The following DLG2 variants were observed in gnomAD, a reference collection of about 807,000 sequenced individuals.
The protein encoded by DLG2 is disks large homolog 2.
Under a neutral mutation model 132.5 loss-of-function variants are expected in DLG2, and 45 were observed. The observed-to-expected ratio is 0.34, with a 90% CI of 0.27 to 0.44. The LOEUF (loss-of-function observed/expected upper bound fraction) is 0.44, where lower values mean the gene tolerates loss of function less well. Ranked by LOEUF, DLG2 falls within the 20% of genes least tolerant of loss-of-function variation. DLG2 has a pLI of 1.00. For synonymous variants in DLG2, 424 were observed against 419.6 expected, an observed-to-expected ratio of 1.01 and a Z score of -0.13; for missense variants, 1,045 against 1,196.9, an observed-to-expected ratio of 0.87 and a Z score of 1.87.
chr11:84,194,036 A>G (rs976383959), intron 8 of DLG2, among the ~76,000 whole-genome samples: 1 of 152,236 alleles, frequency 6.6e-6, no homozygotes, highest in African/African-American at 2.4e-5. Flanking sequence ...ACCAGAGACA[A>G]TATAATTCTT....
intron 6 of DLG2, among the ~76,000 whole-genome samples, chr11:84,744,229 A>C (rs550937775): frequency 2.4e-4 from 37 of 152,332 alleles, no homozygotes; most frequent in African/African-American, 8.7e-4. Flanking sequence ...ATATTGAATA[A>C]TGAGAAAATG....
intron 7 of DLG2, among the ~76,000 whole-genome samples, chr11:84,379,869 T>G (rs1394084967): frequency 6.6e-6 from 1 of 151,998 alleles, no homozygotes; most frequent in African/African-American, 2.4e-5. Flanking sequence ...CCAACAGCAT[T>G]TATCATAAGA....
At chr11:85,617,489 A>G (rs2153275888) in intron 2 of DLG2, among the ~76,000 whole-genome samples, 2 of 152,346 alleles carry the variant, frequency 1.3e-5, no homozygotes, top group East Asian at 3.9e-4. Flanking sequence ...TCTTCCTAAT[A>G]TATTTTAAGA....
intron 6 of DLG2, among the ~76,000 whole-genome samples, chr11:85,066,938 A>G (rs1359433323): frequency 1.3e-5 from 2 of 151,790 alleles, no homozygotes; most frequent in Non-Finnish European, 2.9e-5. Context: ...TAGAGCCATC[A>G]GGCAAGAAGA....
intron 6 of DLG2, among the ~76,000 whole-genome samples, chr11:84,678,937 T>C (rs2099721813): frequency 6.6e-6 from 1 of 152,050 alleles, no homozygotes; most frequent in South Asian, 2.1e-4. Context: ...AGATAATGTA[T>C]GGCTATGTAA....
At chr11:84,117,698 T>C (rs1245787558) in intron 9 of DLG2, among the ~76,000 whole-genome samples, 1 of 152,170 alleles carries the variant, frequency 6.6e-6, no homozygotes, top group Non-Finnish European at 1.5e-5. Context: ...AAGAATTGTA[T>C]TCATTGAGAA....
At chr11:84,916,835 T>C (rs945251766) in intron 6 of DLG2, among the ~76,000 whole-genome samples, 2 of 152,220 alleles carry the variant, frequency 1.3e-5, no homozygotes, top group Admixed American at 6.5e-5. Context: ...AGATGTTCCC[T>C]AAAATGCCAG....
chr11:84,011,156 G>C (rs904945249), intron 11 of DLG2, among the ~76,000 whole-genome samples: 2 of 152,022 alleles, frequency 1.3e-5, no homozygotes, highest in Admixed American at 1.3e-4. Context: ...TGTATTTAAA[G>C]GATACAATAA....
intron 19 of DLG2, among the ~76,000 whole-genome samples, chr11:83,596,530 G>A (rs1429904136): frequency 6.6e-6 from 1 of 151,962 alleles, no homozygotes; most frequent in East Asian, 1.9e-4. Context: ...CCAACCTCTG[G>A]TCTCAGCCGC....
intron 6 of DLG2, among the ~76,000 whole-genome samples, chr11:84,916,029 C>A (rs1314172985): frequency 6.6e-6 from 1 of 152,022 alleles, no homozygotes; most frequent in Non-Finnish European, 1.5e-5. Flanking sequence ...CTAGGGTAAC[C>A]TACCTTCTAA....
At chr11:84,586,080 G>A (rs2099529051) in intron 6 of DLG2, among the ~76,000 whole-genome samples, 1 of 148,144 alleles carries the variant, frequency 6.8e-6, no homozygotes, top group African/African-American at 2.6e-5. Flanking sequence ...GAACCTGGGA[G>A]GTGGAGGTTG....
intron 19 of DLG2, among the ~76,000 whole-genome samples, chr11:83,628,083 T>G (rs1261513963): frequency 3.3e-5 from 5 of 152,218 alleles, no homozygotes; most frequent in Non-Finnish European, 7.3e-5. Flanking sequence ...CTTGTAAATT[T>G]GTTTGAGTTC....
At chr11:85,241,464 T>A (rs1313606289) in intron 4 of DLG2, among the ~76,000 whole-genome samples, 2 of 151,950 alleles carry the variant, frequency 1.3e-5, no homozygotes, top group Non-Finnish European at 2.9e-5. Flanking sequence ...TCTGTCTCAA[T>A]TCTGAATTTT....
chr11:85,487,091 A>G (rs2093446451), intron 3 of DLG2, among the ~76,000 whole-genome samples: 1 of 151,748 alleles, frequency 6.6e-6, no homozygotes, highest in Non-Finnish European at 1.5e-5. Flanking sequence ...CCCCAAAATC[A>G]AAGCCAAAAA....
At chr11:84,586,260 TA>T (rs2099529711) in intron 6 of DLG2, among the ~76,000 whole-genome samples, 2 of 152,002 alleles carry the variant, frequency 1.3e-5, no homozygotes, top group African/African-American at 4.8e-5. Context: ...TTTTATTAAA[TA>T]TGCATAAATT....
Position 84,927,082 on chromosome 11 carries a change from CT to C in DLG2, c.357+184578del, listed in dbSNP as rs768896822. ...TTTAAACCTATCTACATATATTTGG[CT>C]TGTATTTTTAACAGTGGGCATGTAA... is the stretch of plus-strand genomic sequence containing the variant. On this transcript the variant is annotated intron_variant, in intron 6 of 27. Transcript: ENST00000376104. Among the ~76,000 whole-genome samples the C allele has an allele frequency of 5.3e-4, 81 of 152,046 alleles. 1 individual carries two copies. In the Middle Eastern group the frequency reaches 0.014, roughly 26 times the overall value.
intron 6 of DLG2, among the ~76,000 whole-genome samples, chr11:84,584,674 CTTTTTTTTTTTTTTTTTTTTT>C (rs71036428): frequency 3.6e-5 from 2 of 55,774 alleles, no homozygotes; most frequent in African/African-American, 7.6e-5. Flanking sequence ...CCCAGCATTC[CTTTTTTTTTTTTTTTTTTTTT>C]TTTTTTTTTT....
At chr11:84,818,322 G>A (rs2153979899) in intron 6 of DLG2, among the ~76,000 whole-genome samples, 1 of 152,106 alleles carries the variant, frequency 6.6e-6, no homozygotes, top group East Asian at 1.9e-4. Context: ...CGAAATGGAA[G>A]TGCCCTGCAT....
At chr11:83,726,310 G>A (rs1450156688) in intron 18 of DLG2, among the ~76,000 whole-genome samples, 7 of 152,140 alleles carry the variant, frequency 4.6e-5, no homozygotes, top group Admixed American at 4.6e-4. Flanking sequence ...AGCTGTGGAA[G>A]TCTCCAGGGT....
Sources: gnomAD v4.1 joint callset for allele counts (sites outside exome capture counted in the v4.1 genomes callset) on GRCh38, gnomAD v4.1.1 for gene constraint, MANE v1.5 for transcripts, NCBI Gene and HGNC (gene_info 2026-07-23, HGNC 2026-07-21) for gene names.